Variants in OTULINL observed in about 807,000 individuals in gnomAD.
OTULINL encodes the protein inactive ubiquitin thioesterase OTULINL.
Under a neutral mutation model 43.9 loss-of-function variants are expected in OTULINL, and 42 were observed. That is an observed-to-expected ratio of 0.96 (90% CI 0.75 to 1.24). The LOEUF is 1.24. Among genes scored for constraint, OTULINL ranks in the 50% most tolerant of loss-of-function variants. The pLI, the probability that OTULINL is intolerant of heterozygous loss-of-function variation, is 0.00. For missense variants in OTULINL, 411 were observed against 426.4 expected (o/e 0.96, Z 0.32); for synonymous variants, 172 against 153.6 (o/e 1.12, Z -0.88).
rs1186007681 is a variant in OTULINL at position 14,611,793 on chromosome 5, C to T, written c.*1479C>T. On this transcript the variant is annotated 3_prime_UTR_variant, in exon 8 of 8. Coordinates refer to ENST00000274217, the MANE Select transcript of OTULINL (RefSeq NM_019018.3). Reference sequence around the variant, plus strand: ...AAATCTTGCTAATTATATATTACTTCAAAGTCACAAATCCCTTTCTAAGAA... The same window carrying T: ...AAATCTTGCTAATTATATATTACTTTAAAGTCACAAATCCCTTTCTAAGAA... 1 of 152,030 alleles carries T rather than the reference C, an allele frequency of 6.6e-6. No homozygotes were observed. Among genetic ancestry groups the T allele is most frequent in the Non-Finnish European group, 1.5e-5 (1 of 68,026 alleles). 9.4% of individuals were successfully genotyped at this position (152,030 alleles called of 1,614,324 possible). A position where few individuals can be genotyped will look rare whatever the true frequency, so the allele number is the denominator to read the frequency against.
At chr5:14,609,723 C>T (rs1419379536) in intron 7 of OTULINL, among the ~76,000 whole-genome samples, 4 of 151,530 alleles carry the variant, frequency 2.6e-5, no homozygotes, top group South Asian at 4.2e-4. Flanking sequence ...CTCCGCCTTC[C>T]GGGTTCACGC....
intron 1 of OTULINL, among the ~76,000 whole-genome samples, chr5:14,592,760 C>T (rs1264219546): frequency 6.6e-6 from 1 of 152,166 alleles, no homozygotes; most frequent in East Asian, 1.9e-4. Context: ...GCAATAGATT[C>T]CAGGGTGGTT....
At chr5:14,591,815 C>T (rs975264985) in intron 1 of OTULINL, among the ~76,000 whole-genome samples, 8 of 152,206 alleles carry the variant, frequency 5.3e-5, no homozygotes, top group Non-Finnish European at 1.0e-4. Flanking sequence ...CAGCAAGCCA[C>T]AGCCCATGGG....
chr5:14,604,519 G>C (rs1006246898), intron 5 of OTULINL, among the ~76,000 whole-genome samples: 2 of 152,076 alleles, frequency 1.3e-5, no homozygotes, highest in Non-Finnish European at 2.9e-5. Flanking sequence ...ACAGTACAAA[G>C]TCTCATCCAA....
chr5:14,585,276 G>GA (rs3838237), intron 1 of OTULINL, among the ~76,000 whole-genome samples: 1 of 151,802 alleles, frequency 6.6e-6, no homozygotes, highest in Non-Finnish European at 1.5e-5. Flanking sequence ...GGCTGTGGGG[G>GA]AAAAAAAGCA....
In OTULINL at chr5:14,610,318, C is replaced by G; in HGVS notation, c.*4C>G. On this transcript the variant is annotated 3_prime_UTR_variant, in exon 8 of 8. Transcript: ENST00000274217. ...CTACCACATTCCAGTCTTTTAAGTC[C>G]GCTGGGGGCCGAACAGCAGTGCTCA... The G allele has an allele frequency of 6.2e-7, 1 of 1,612,084 alleles. No homozygotes were observed. Among genetic ancestry groups the G allele is most frequent in the East Asian group, 2.2e-5 (1 of 44,874 alleles).
Position 14,588,448 on chromosome 5 carries a change from C to T in OTULINL, c.64+6490C>T, listed in dbSNP as rs983860628. Among the ~76,000 whole-genome samples the T allele has an allele frequency of 2.2e-4, 33 of 152,180 alleles. No individual in the cohort carries two copies. In the Middle Eastern group the frequency reaches 0.01, roughly 47 times the overall value. On this transcript the variant is annotated intron_variant, in intron 1 of 7. Coordinates refer to ENST00000274217, the MANE Select transcript of OTULINL (RefSeq NM_019018.3). The stretch of plus-strand genomic sequence containing the variant: ...AGATGACCACTTCACATTCTCACTT[C>T]CTGCTTTATATTTACATGGTGTAAT...
At chr5:14,587,300 G>A (rs1002489938) in intron 1 of OTULINL, among the ~76,000 whole-genome samples, 1 of 152,198 alleles carries the variant, frequency 6.6e-6, no homozygotes, top group Non-Finnish European at 1.5e-5. Context: ...AATGCACCAC[G>A]TGGACAGGTC....
chr5:14,591,612 G>C (rs142393546), intron 1 of OTULINL, among the ~76,000 whole-genome samples: 1 of 152,194 alleles, frequency 6.6e-6, no homozygotes, highest in Non-Finnish European at 1.5e-5. Flanking sequence ...CCTCTCCACC[G>C]GGAAACTTGA....
chr5:14,601,437 A>T lies in OTULINL; in HGVS notation c.343A>T (p.Arg115Trp), dbSNP rs140768979. 16 of 1,613,398 alleles carry T rather than the reference A, an allele frequency of 9.9e-6. No individual in the cohort carries two copies. In the African/African-American group the frequency reaches 2.1e-4, roughly 22 times the overall value. Residue 115 changes from arginine to tryptophan, a missense_variant, in exon 4 of 8, where the codon AGG becomes TGG. Arg to Trp is a moderately radical substitution (Grantham distance 101). Coordinates refer to ENST00000274217, the MANE Select transcript of OTULINL (RefSeq NM_019018.3). ...KGETPRNKLMRKAYEELFWRH... is the reference protein window; with the variant it reads ...KGETPRNKLMWKAYEELFWRH... ...AGAGACACCCCGTAACAAGCTGATG[A>T]GGAAGGTGTGTCTGTTTTTAGAGGG...
intron 1 of OTULINL, among the ~76,000 whole-genome samples, chr5:14,596,997 A>G (rs536009858): frequency 1.3e-5 from 2 of 152,308 alleles, no homozygotes; most frequent in African/African-American, 4.8e-5. Context: ...ACTAACATGT[A>G]GGACACATTG....
At chr5:14,604,694 C>CA (rs1303677533) in intron 5 of OTULINL, among the ~76,000 whole-genome samples, 1 of 152,178 alleles carries the variant, frequency 6.6e-6, no homozygotes, top group African/African-American at 2.4e-5. Flanking sequence ...TTGGCCTAAA[C>CA]AAAGGGACTA....
intron 1 of OTULINL, among the ~76,000 whole-genome samples, chr5:14,582,398 C>T (rs1006109497): frequency 6.6e-5 from 10 of 152,134 alleles, no homozygotes; most frequent in African/African-American, 1.7e-4. Context: ...GACTCGCTGA[C>T]GGAGGGAGTT....
chr5:14,605,962 AC>A (rs1324155922), intron 5 of OTULINL, among the ~76,000 whole-genome samples: 2 of 152,114 alleles, frequency 1.3e-5, no homozygotes, highest in African/African-American at 4.8e-5. Flanking sequence ...TCTGCTTGTT[AC>A]CCAATTCCAA....
At chr5:14,582,644 T>C (rs1759029166) in intron 1 of OTULINL, among the ~76,000 whole-genome samples, 1 of 151,366 alleles carries the variant, frequency 6.6e-6, no homozygotes, top group Non-Finnish European at 1.5e-5. Flanking sequence ...TGAAACCTTG[T>C]CTCTACTAAA....
At position 14,607,457 on chromosome 5, in the gene OTULINL, A is replaced by G; in HGVS notation, c.626A>G (p.Gln209Arg). ...LRKYVELLKT[Q>R]WTEFNGIRDY... ...AAATATGTGGAATTATTGAAAACAC[A>G]GGTAAGTGTTTGCGGGGGAAATAAA... Residue 209 changes from glutamine (Q) to arginine (R), a missense_variant and splice_region_variant, in exon 6 of 8, where the codon CAG (glutamine) becomes CGG (arginine). By Grantham distance (43) the Gln-to-Arg change is conservative. Transcript: ENST00000274217. 6.2e-7 allele frequency: 1 copy of G among 1,613,716 alleles called. No homozygotes were observed. Among genetic ancestry groups the G allele is most frequent in the Non-Finnish European group, 8.5e-7 (1 of 1,179,830 alleles).
chr5:14,597,764 T>C (rs985320522), intron 1 of OTULINL, among the ~76,000 whole-genome samples: 1 of 152,168 alleles, frequency 6.6e-6, no homozygotes, highest in Non-Finnish European at 1.5e-5. Flanking sequence ...TCCAGATGGT[T>C]CTCTGGTACC....
rs1445884810 is a variant in OTULINL, at chr5:14,610,306, G to A, written c.1063G>A (p.Val355Ile). 6.2e-7 allele frequency: 1 copy of A among 1,612,484 alleles called. No individual in the cohort carries two copies. Among genetic ancestry groups the A allele is most frequent in the African/African-American group, 1.3e-5 (1 of 74,858 alleles). ...GAACGACCGCCACTACCACATTCCA[G>A]TCTTTTAAGTCCGCTGGGGGCCGAA... The part of the protein sequence containing the change: ...TENDRHYHIP[V>I]F The change falls in exon 8 of 8, where the codon GTC becomes ATC. Residue 355 changes from valine (V) to isoleucine (I), a missense_variant. Coordinates refer to ENST00000274217, the MANE Select transcript of OTULINL (RefSeq NM_019018.3).
chr5:14,590,020 C>G (rs1311234045), intron 1 of OTULINL, among the ~76,000 whole-genome samples: 2 of 152,116 alleles, frequency 1.3e-5, no homozygotes, highest in Non-Finnish European at 2.9e-5. Context: ...ACAGCTGTGA[C>G]TAGTAAAAGT....
Sources: allele counts gnomAD v4.1 joint callset (sites outside exome capture counted in the v4.1 genomes callset), GRCh38; gene constraint gnomAD v4.1.1; transcripts MANE v1.5; gene names NCBI Gene and HGNC (gene_info 2026-07-23, HGNC 2026-07-21).